The following FAM193A variants were observed in gnomAD, a reference collection of about 807,000 sequenced individuals.
The protein encoded by FAM193A is protein FAM193A.
FAM193A carries 22 observed loss-of-function variants against 126.5 expected under a neutral mutation model. The observed-to-expected ratio is 0.17, with a 90% CI of 0.12 to 0.25. FAM193A has a LOEUF of 0.25. FAM193A is among the 10% of genes least tolerant of loss of function. The pLI, the probability that FAM193A is intolerant of heterozygous loss-of-function variation, is 1.00. For missense variants in FAM193A, 1,675 were observed against 1,672.8 expected (o/e 1.00, Z -0.02); for synonymous variants, 761 against 646.8 (o/e 1.18, Z -2.68).
intron 1 of FAM193A, among the ~76,000 whole-genome samples, chr4:2,543,703 C>G (rs894165492): frequency 6.6e-6 from 1 of 151,302 alleles, no homozygotes; most frequent in African/African-American, 2.4e-5. Flanking sequence ...CTAAAAAATG[C>G]AAAAATTAGC....
chr4:2,640,155 C>A (rs1744472065), intron 6 of FAM193A, among the ~76,000 whole-genome samples: 2 of 152,126 alleles, frequency 1.3e-5, no homozygotes, highest in Admixed American at 1.3e-4. Flanking sequence ...CTTGGCCGGG[C>A]AGCTGTGGTG....
At chr4:2,654,136 A>G (rs1577144523) in intron 7 of FAM193A, among the ~76,000 whole-genome samples, 1 of 152,218 alleles carries the variant, frequency 6.6e-6, no homozygotes, top group African/African-American at 2.4e-5. Context: ...TACTGATTCA[A>G]AGGCTTTAAA....
chr4:2,599,577 C>T (rs927733608), intron 2 of FAM193A, among the ~76,000 whole-genome samples: 5 of 152,184 alleles, frequency 3.3e-5, no homozygotes, highest in African/African-American at 7.2e-5. Context: ...GACAGTTGCA[C>T]GTTGCAAATT....
intron 2 of FAM193A, among the ~76,000 whole-genome samples, chr4:2,617,454 C>T (rs1029646079): frequency 2.4e-4 from 36 of 148,812 alleles, no homozygotes; most frequent in Admixed American, 1.3e-3. Flanking sequence ...TTAGTAGAGG[C>T]GGGGTTTCAC....
chr4:2,592,278 C>T (rs1461222153), intron 1 of FAM193A, among the ~76,000 whole-genome samples: 5 of 152,244 alleles, frequency 3.3e-5, no homozygotes, highest in South Asian at 2.1e-4. Flanking sequence ...TTAGTAGACA[C>T]GGGGTTTCAC....
chr4:2,592,833 G>C (rs1243404510), intron 1 of FAM193A, among the ~76,000 whole-genome samples: 1 of 152,226 alleles, frequency 6.6e-6, no homozygotes, highest in South Asian at 2.1e-4. Context: ...CTGTGGGGAA[G>C]CTCTCTGCGC....
At chr4:2,699,436 ACCCC>A (rs111815931) in intron 18 of FAM193A, among the ~76,000 whole-genome samples, 5 of 61,094 alleles carry the variant, frequency 8.2e-5, no homozygotes, top group African/African-American at 2.6e-4. Context: ...GTTAACTACC[ACCCC>A]CCCCCCCACA....
In FAM193A at chr4:2,725,360, G is replaced by C. The variant is rs58472235; in HGVS notation, c.4455-6415G>C. ...CTACCTGGGAAGCTCAGGTTGGGGA[G>C]GGTCGCTTGAGCCCAGGAGGTCGAG... On this transcript the variant is annotated intron_variant, in intron 20 of 20. Transcript: ENST00000637812. Among the ~76,000 whole-genome samples, 263 of 151,136 alleles carry C rather than the reference G, an allele frequency of 1.7e-3. 1 individual carries two copies. Among genetic ancestry groups the C allele is most frequent in the African/African-American group, 6.1e-3 (251 of 41,092 alleles).
At chr4:2,617,123 G>A (rs1262561161) in intron 2 of FAM193A, among the ~76,000 whole-genome samples, 2 of 127,602 alleles carry the variant, frequency 1.6e-5, no homozygotes, top group Admixed American at 7.8e-5. Flanking sequence ...AGCTGAGATC[G>A]TGCCACTGCA....
chr4:2,566,090 C>G (rs907034072), intron 1 of FAM193A, among the ~76,000 whole-genome samples: 2 of 151,200 alleles, frequency 1.3e-5, no homozygotes, highest in Non-Finnish European at 2.9e-5. Context: ...CTCTGTCGCC[C>G]AGACTGGAGT....
chr4:2,686,926 G>T (rs1271173188), intron 13 of FAM193A, among the ~76,000 whole-genome samples: 1 of 152,090 alleles, frequency 6.6e-6, no homozygotes, highest in East Asian at 1.9e-4. Flanking sequence ...TGTAGAAATG[G>T]GTATCTATTG....
At chr4:2,726,293 G>C (rs78017034) in intron 20 of FAM193A, among the ~76,000 whole-genome samples, 41 of 152,212 alleles carry the variant, frequency 2.7e-4, no homozygotes, top group African/African-American at 9.2e-4. Flanking sequence ...ATCTGCCTCG[G>C]CCTTCCAAAC....
At chr4:2,665,505 T>A (rs1713006191) in intron 12 of FAM193A, among the ~76,000 whole-genome samples, 1 of 152,238 alleles carries the variant, frequency 6.6e-6, no homozygotes. Context: ...TTCTTTTTCT[T>A]TCCTTCCTTT....
chr4:2,629,287 T>TG (rs1743315964), intron 4 of FAM193A, among the ~76,000 whole-genome samples: 1 of 152,190 alleles, frequency 6.6e-6, no homozygotes, highest in Non-Finnish European at 1.5e-5. Context: ...AGTCTGCTTC[T>TG]AAGTTTGGTT....
intron 1 of FAM193A, among the ~76,000 whole-genome samples, chr4:2,569,110 C>G (rs75696296): frequency 0.068 from 10,347 of 151,504 alleles, 626 homozygotes; most frequent in African/African-American, 0.16. Context: ...ACTGGGACTA[C>G]AGGTGTGCAT....
At chr4:2,573,227 A>G (rs532029440) in intron 1 of FAM193A, among the ~76,000 whole-genome samples, 1 of 152,034 alleles carries the variant, frequency 6.6e-6, no homozygotes, top group African/African-American at 2.4e-5. Flanking sequence ...TAAGAAGCCC[A>G]TGAGGCCAGG....
chr4:2,716,211 TCAAG>T, intron 20 of FAM193A, 107 bp downstream of exon 20: 1 of 788,020 alleles, frequency 1.3e-6, no homozygotes, highest in Non-Finnish European at 2.3e-6. Flanking sequence ...CGAAGTTACA[TCAAG>T]CAAGCCAGAC....
chr4:2,549,299 T>G (rs1354609150), intron 1 of FAM193A, among the ~76,000 whole-genome samples: 1 of 151,890 alleles, frequency 6.6e-6, no homozygotes, highest in Non-Finnish European at 1.5e-5. Flanking sequence ...TTTATCAATT[T>G]TTTTCTGTGT....
intron 13 of FAM193A, among the ~76,000 whole-genome samples, chr4:2,686,485 T>C (rs1416350661): frequency 6.6e-6 from 1 of 152,188 alleles, no homozygotes; most frequent in African/African-American, 2.4e-5. Flanking sequence ...CAAAATGTTG[T>C]GACTTACAGA....
Sources: allele counts gnomAD v4.1 joint callset (sites outside exome capture counted in the v4.1 genomes callset), GRCh38; gene constraint gnomAD v4.1.1; transcripts MANE v1.5; gene names NCBI Gene and HGNC (gene_info 2026-07-23, HGNC 2026-07-21).